Variants in STK3 observed in about 807,000 individuals in gnomAD.
STK3 encodes the protein serine/threonine-protein kinase 3.
In STK3, 41 loss-of-function variants were observed where a neutral mutation model predicts 58.0. The ratio of observed to expected loss-of-function variants is 0.71; its 90% confidence interval spans 0.55 to 0.92. STK3 has a LOEUF of 0.92. Ranked by LOEUF, STK3 falls within the 40% of genes least tolerant of loss-of-function variation. The pLI is 0.00. For missense variants in STK3, 479 were observed against 602.7 expected, an observed-to-expected ratio of 0.79 and a Z score of 2.15; for synonymous variants, 170 against 191.0, an observed-to-expected ratio of 0.89 and a Z score of 0.91.
At chr8:98,387,300 C>T (rs1406519549) in intron 1 of STK3, among the ~76,000 whole-genome samples, 2 of 152,006 alleles carry the variant, frequency 1.3e-5, no homozygotes, top group African/African-American at 4.8e-5. Flanking sequence ...CACTTTAGGA[C>T]CAAGGATTTT....
chr8:98,408,002 C>A (rs1459424303), intron 3 of STK3, among the ~76,000 whole-genome samples: 1 of 152,194 alleles, frequency 6.6e-6, no homozygotes, highest in African/African-American at 2.4e-5. Context: ...ATGATCAAAC[C>A]CACTTCATCG....
intron 10 of STK3, among the ~76,000 whole-genome samples, chr8:98,461,191 A>C (rs1819942457): frequency 2.0e-5 from 3 of 152,072 alleles, no homozygotes; most frequent in Non-Finnish European, 4.4e-5. Context: ...ATATTTATTT[A>C]GGACTATATC....
At chr8:98,905,878 G>C (rs1363031717) in intron 1 of STK3, among the ~76,000 whole-genome samples, 1 of 152,204 alleles carries the variant, frequency 6.6e-6, no homozygotes. Context: ...TTTATGGACA[G>C]AAAAAGGAAA....
chr8:98,660,977 G>A (rs1821924341), intron 6 of STK3, among the ~76,000 whole-genome samples: 2 of 151,276 alleles, frequency 1.3e-5, no homozygotes, highest in Admixed American at 6.6e-5. Context: ...AAGTTCTTCA[G>A]GTAGAAATGA....
chr8:98,618,424 C>G (rs568157627), intron 6 of STK3, among the ~76,000 whole-genome samples: 25 of 152,298 alleles, frequency 1.6e-4, no homozygotes, highest in Admixed American at 9.8e-4. Flanking sequence ...TGCCCTCTCT[C>G]ACTGCTGCTA....
At chr8:98,565,501 C>T (rs1012618578) in intron 8 of STK3, among the ~76,000 whole-genome samples, 5 of 149,968 alleles carry the variant, frequency 3.3e-5, no homozygotes, top group African/African-American at 1.3e-4. Context: ...AGTTTCTTTT[C>T]AGAGTATTTT....
At chr8:98,413,170 C>T (rs566627020) in intron 3 of STK3, 83 of 294,026 alleles carry the variant, frequency 2.8e-4, no homozygotes, top group Non-Finnish European at 4.0e-4. Context: ...TGTGCCACCA[C>T]GCCCGGTTAT....
chr8:98,588,597 A>C (rs1049661753), intron 7 of STK3, among the ~76,000 whole-genome samples: 1 of 151,894 alleles, frequency 6.6e-6, no homozygotes, highest in Non-Finnish European at 1.5e-5. Context: ...TTTCTCGAGG[A>C]GTATCTTTAT....
At chr8:98,564,371 T>C (rs1812300850) in intron 8 of STK3, among the ~76,000 whole-genome samples, 2 of 152,168 alleles carry the variant, frequency 1.3e-5, no homozygotes, top group South Asian at 4.1e-4. Context: ...TCATTCATTT[T>C]TATGGTATAT....
intron 3 of STK3, among the ~76,000 whole-genome samples, chr8:98,859,737 G>C (rs1836857854): frequency 6.6e-6 from 1 of 152,212 alleles, no homozygotes; most frequent in Admixed American, 6.5e-5. Context: ...GCATGACCAT[G>C]CTTATGTATA....
At chr8:98,816,740 G>A (rs1834571048) in intron 1 of STK3, among the ~76,000 whole-genome samples, 1 of 152,044 alleles carries the variant, frequency 6.6e-6, no homozygotes, top group Admixed American at 6.5e-5. Context: ...TGCCATGTTG[G>A]TCAGGCTGGT....
chr8:98,751,196 A>C (rs755242038), intron 3 of STK3, among the ~76,000 whole-genome samples: 15 of 152,330 alleles, frequency 9.8e-5, no homozygotes, highest in Non-Finnish European at 2.1e-4. Flanking sequence ...AGCGGCATTA[A>C]GACAAGGATG....
At chr8:98,459,034 G>C (rs1449182503) in intron 10 of STK3, among the ~76,000 whole-genome samples, 4 of 152,216 alleles carry the variant, frequency 2.6e-5, no homozygotes, top group African/African-American at 9.7e-5. Flanking sequence ...GCAGAGGTTG[G>C]AATAGTTTGG....
At chr8:98,830,932 T>C (rs1229148830) in intron 3 of STK3, among the ~76,000 whole-genome samples, 1 of 132,626 alleles carries the variant, frequency 7.5e-6, no homozygotes, top group Non-Finnish European at 1.5e-5. Context: ...ATAGTGCCAC[T>C]GCACTCCAGC....
At chr8:98,734,577 A>G (rs1383922856) in intron 4 of STK3, among the ~76,000 whole-genome samples, 1 of 152,210 alleles carries the variant, frequency 6.6e-6, no homozygotes, top group South Asian at 2.1e-4. Flanking sequence ...TAGCTTTACA[A>G]TTATGTAAAG....
At chr8:98,689,087 C>T (rs1824212594) in intron 6 of STK3, among the ~76,000 whole-genome samples, 1 of 152,060 alleles carries the variant, frequency 6.6e-6, no homozygotes, top group Non-Finnish European at 1.5e-5. Context: ...CACAACGAAG[C>T]CCACAGAAAT....
intron 7 of STK3, among the ~76,000 whole-genome samples, chr8:98,587,317 C>T (rs1354483658): frequency 6.6e-6 from 1 of 151,904 alleles, no homozygotes; most frequent in Non-Finnish European, 1.5e-5. Context: ...TCATTGGTTT[C>T]AAAGAACATC....
At position 98,883,802 on chromosome 8, in the gene STK3, T is replaced by C. The variant is rs1419962913; in HGVS notation, c.-46A>G. 3 of 684,910 alleles carry C rather than the reference T, an allele frequency of 4.4e-6. No homozygotes were observed. The African/African-American group carries it at 5.3e-5, about 12-fold the overall frequency. 42.4% of individuals were successfully genotyped at this position (684,910 alleles called of 1,614,324 possible). A position where few individuals can be genotyped will look rare whatever the true frequency, so the allele number is the denominator to read the frequency against. ...GCTCAGAGAGATCTCTCCATCCTTT[T>C]TCCAAATTCCTGAAGAAGGGACATT... is the stretch of plus-strand genomic sequence containing the variant. On this transcript the variant is annotated 5_prime_UTR_variant, in exon 2 of 2. Transcript: ENST00000519420.
At chr8:98,694,837 A>G (rs1824731935) in intron 6 of STK3, among the ~76,000 whole-genome samples, 1 of 152,228 alleles carries the variant, frequency 6.6e-6, no homozygotes, top group Non-Finnish European at 1.5e-5. Context: ...TTATAGTAGC[A>G]TGATTTATAG....
Sources: gnomAD v4.1 joint callset for allele counts (sites outside exome capture counted in the v4.1 genomes callset) on GRCh38, gnomAD v4.1.1 for gene constraint, MANE v1.5 for transcripts, NCBI Gene and HGNC (gene_info 2026-07-23, HGNC 2026-07-21) for gene names.